CSNK1D: variants seen among roughly 807,000 people sequenced by gnomAD.
CSNK1D encodes casein kinase I isoform delta.
In CSNK1D, 16 loss-of-function variants were observed where a neutral mutation model predicts 46.6. The observed-to-expected ratio is 0.34, with a 90% confidence interval of 0.23 to 0.52. The LOEUF (loss-of-function observed/expected upper bound fraction) is 0.52, where lower values mean the gene tolerates loss of function less well. CSNK1D is among the 20% of genes least tolerant of loss of function. CSNK1D has a pLI of 0.95. For synonymous variants in CSNK1D, 276 were observed against 228.2 expected, an observed-to-expected ratio of 1.21 and a Z score of -1.89; for missense variants, 398 against 578.4, an observed-to-expected ratio of 0.69 and a Z score of 3.20.
intron 1 of CSNK1D, among the ~76,000 whole-genome samples, chr17:82,269,302 A>C (rs2147225485): frequency 6.6e-6 from 1 of 152,264 alleles, no homozygotes; most frequent in Admixed American, 6.5e-5. Flanking sequence ...GGTCAGCAGT[A>C]CCACGACTTC....
At chr17:82,264,311 A>G (rs888945235) in intron 2 of CSNK1D, among the ~76,000 whole-genome samples, 2 of 152,222 alleles carry the variant, frequency 1.3e-5, no homozygotes, top group Non-Finnish European at 2.9e-5. Context: ...CTCTGTTCCC[A>G]AAGAGGGCTC....
At position 82,244,511 on chromosome 17, in the gene CSNK1D, G is replaced by A; in HGVS notation, c.*270C>T. On this transcript the variant is annotated 3_prime_UTR_variant, in exon 9 of 9. Transcript: ENST00000314028. ...AGCTGAGGCCCTGGAAAAGGAGTCT[G>A]ATTCTCTGCAATTCTCTCTCTGCTT... The A allele has an allele frequency of 7.0e-7, 1 of 1,428,080 alleles. No individual in the cohort carries two copies. The highest frequency in any genetic ancestry group is 9.2e-7 in the Non-Finnish European group (1 of 1,089,438). 88.5% of individuals were successfully genotyped at this position (1,428,080 alleles called of 1,614,324 possible).
At chr17:82,265,916 T>C in intron 1 of CSNK1D, 120 bp from the exon 2 acceptor site, 1 of 843,776 alleles carries the variant, frequency 1.2e-6, no homozygotes, top group East Asian at 2.4e-5. Flanking sequence ...GGATGTGTTC[T>C]CCTTCCTAGC....
chr17:82,261,991 G>C (rs569720022), intron 2 of CSNK1D, among the ~76,000 whole-genome samples: 1 of 152,344 alleles, frequency 6.6e-6, no homozygotes, highest in African/African-American at 2.4e-5. Flanking sequence ...CAAGGAGGGA[G>C]TGAGCTAAGG....
At chr17:82,260,302 T>TGATG (rs2051297552) in intron 2 of CSNK1D, among the ~76,000 whole-genome samples, 1 of 118,042 alleles carries the variant, frequency 8.5e-6, no homozygotes, top group African/African-American at 3.2e-5. Flanking sequence ...TGATAGTGTA[T>TGATG]TGACTGATGG....
At chr17:82,247,948 G>A (rs895848305) in intron 8 of CSNK1D, 50 of 985,294 alleles carry the variant, frequency 5.1e-5, no homozygotes, top group East Asian at 1.1e-4. Context: ...TCCCCACTCC[G>A]GCATGTTCCT....
chr17:82,262,282 T>TG (rs1179562283), intron 2 of CSNK1D, among the ~76,000 whole-genome samples: 1 of 152,200 alleles, frequency 6.6e-6, no homozygotes, highest in African/African-American at 2.4e-5. Context: ...AGCAGTAGCC[T>TG]GGGGGGCTAG....
In CSNK1D at chr17:82,249,441, G is replaced by A. The variant is rs935905837; in HGVS notation, c.1047C>T (p.Thr349=). ...GAGGGGGGCACTCACCCGTGTGTGA[G>A]GTAGGGGTGAGGGGTGTGGGGGGAG... ...EVAPPTPLTP[T]SHTANTSPRP... is the part of the protein sequence containing the mutation. Residue 349 remains threonine, a synonymous_variant, in exon 7 of 9, where the codon ACC becomes ACT. Coordinates refer to ENST00000314028, the MANE Select transcript of CSNK1D (RefSeq NM_001893.6). The surrounding 1 kb of genome is among the most constrained non-coding windows in gnomAD (Gnocchi z 6.7). 5.9e-6 allele frequency: 9 copies of A among 1,537,572 alleles called. No individual in the cohort carries two copies. The highest frequency in any genetic ancestry group is 7.9e-6 in the Non-Finnish European group (9 of 1,146,044).
In CSNK1D at chr17:82,244,766, CA is replaced by C. The variant is rs1028554074; in HGVS notation, c.*14del. ...GCCATGCATTGTCTGCCCTTCACAG[CA>C]ATAAGGAGAGTTCTCATCGGTGCAC... On this transcript the variant is annotated 3_prime_UTR_variant, in exon 9 of 9. Transcript: ENST00000314028. The C allele has an allele frequency of 1.2e-6, 2 of 1,613,864 alleles. No homozygotes were observed. Among genetic ancestry groups the C allele is most frequent in the African/African-American group, 2.7e-5 (2 of 74,926 alleles).
In CSNK1D at chr17:82,250,757, A is replaced by C. The variant is rs2147167938; in HGVS notation, c.885+622T>G. 6.0e-6 allele frequency: 1 copy of C among 165,908 alleles called. No homozygotes were observed. Among genetic ancestry groups the C allele is most frequent in the South Asian group, 1.3e-4 (1 of 7,492 alleles). 10.3% of individuals were successfully genotyped at this position (165,908 alleles called of 1,614,324 possible). On this transcript the variant is annotated intron_variant, in intron 6 of 8. Coordinates refer to ENST00000314028, the MANE Select transcript of CSNK1D (RefSeq NM_001893.6). This position sits in a 1 kb window ranked among gnomAD's most constrained non-coding sequence, Gnocchi z 4.6. ...CAGACTGCTGCCTGGAAAAGCTCCA[A>C]ATTCTATTTAAAACTGACAACAAAA...
chr17:82,253,912 A>T (rs80280667), intron 3 of CSNK1D: 6 of 235,898 alleles, frequency 2.5e-5, no homozygotes, highest in Non-Finnish European at 4.0e-5. Context: ...CGGAGCCTCG[A>T]GAAGCCAGTG....
chr17:82,263,678 CCT>C (rs1314971842), intron 2 of CSNK1D, among the ~76,000 whole-genome samples: 3 of 152,250 alleles, frequency 2.0e-5, no homozygotes, highest in Non-Finnish European at 4.4e-5. Flanking sequence ...CTTGTGTACC[CCT>C]GGCTTGCAAG....
In CSNK1D at chr17:82,255,195, G is replaced by T. The variant is rs1473605832; in HGVS notation, c.336+234C>A. 4 of 569,172 alleles carry T rather than the reference G, an allele frequency of 7.0e-6. No homozygotes were observed. Among genetic ancestry groups the T allele is most frequent in the African/African-American group, 1.9e-5 (1 of 51,978 alleles). 35.3% of individuals were successfully genotyped at this position (569,172 alleles called of 1,614,324 possible). A position where few individuals can be genotyped will look rare whatever the true frequency, so the allele number is the denominator to read the frequency against. ...GAGAAGCCAGTGAGCTGGGCCGCCG[G>T]AGCCTCGAGAAGCCAGTGAGCTGGG... On this transcript the variant is annotated intron_variant, in intron 3 of 8. Coordinates refer to ENST00000314028, the MANE Select transcript of CSNK1D (RefSeq NM_001893.6). The surrounding 1 kb of genome is among the most constrained non-coding windows in gnomAD (Gnocchi z 5.9).
intron 2 of CSNK1D, among the ~76,000 whole-genome samples, chr17:82,263,623 A>G (rs2051395027): frequency 6.6e-6 from 1 of 152,262 alleles, no homozygotes; most frequent in South Asian, 2.1e-4. Context: ...TGGCTTCCCC[A>G]GTGACCATCC....
chr17:82,260,911 C>T (rs1382303628), intron 2 of CSNK1D: 1 of 155,194 alleles, frequency 6.4e-6, no homozygotes, highest in Admixed American at 6.5e-5. Context: ...GTCCTGCTGT[C>T]ACCCAGGCTG....
In CSNK1D at chr17:82,251,029, T is replaced by A. The variant is rs1368302768; in HGVS notation, c.885+350A>T. 1 of 360,206 alleles carries A rather than the reference T, an allele frequency of 2.8e-6. No homozygotes were observed. Among genetic ancestry groups the A allele is most frequent in the African/African-American group, 2.1e-5 (1 of 47,364 alleles). 22.3% of individuals were successfully genotyped at this position (360,206 alleles called of 1,614,324 possible). A position where few individuals can be genotyped will look rare whatever the true frequency, so the allele number is the denominator to read the frequency against. Reference sequence around the variant, plus strand: ...ACTCATCTCGTGGGCACCACGACCATGTGGCACAGCGAATGGGAATGCGCA... The same window carrying A: ...ACTCATCTCGTGGGCACCACGACCAAGTGGCACAGCGAATGGGAATGCGCA... On this transcript the variant is annotated intron_variant, in intron 6 of 8. Transcript: ENST00000314028. This position sits in a 1 kb window ranked among gnomAD's most constrained non-coding sequence, Gnocchi z 4.5.
intron 2 of CSNK1D, among the ~76,000 whole-genome samples, chr17:82,260,240 T>C (rs567955359): frequency 1.3e-5 from 2 of 151,126 alleles, no homozygotes; most frequent in East Asian, 3.9e-4. Flanking sequence ...CTGAGTGATG[T>C]GACTGATGGT....
chr17:82,239,888 G>T, downstream of CSNK1D: 1 of 780,332 alleles, frequency 1.3e-6, no homozygotes, highest in Non-Finnish European at 1.7e-6. Context: ...CAGCGCTTGG[G>T]CTTGTCCTGG....
chr17:82,252,901 G>T lies in CSNK1D; in HGVS notation c.565+115C>A, dbSNP rs1395460636. 5 of 988,712 alleles carry T rather than the reference G, an allele frequency of 5.1e-6. No homozygotes were observed. The South Asian group carries it at 6.8e-5, about 13-fold the overall frequency. The allele number at this position is 988,712 out of a possible 1,614,324, so 61.2% of individuals were successfully genotyped here. On this transcript the variant is annotated intron_variant, in intron 4 of 8. Coordinates refer to ENST00000314028, the MANE Select transcript of CSNK1D (RefSeq NM_001893.6). This position sits in a 1 kb window ranked among gnomAD's most constrained non-coding sequence, Gnocchi z 4.6. Reference sequence around the variant, plus strand: ...CACGAGCCAGCCTGTCTGCCGCAAAGGTCTGATGACACGCTTGCAGCCCCA... The same window carrying T: ...CACGAGCCAGCCTGTCTGCCGCAAATGTCTGATGACACGCTTGCAGCCCCA...
Sources: allele counts gnomAD v4.1 joint callset (sites outside exome capture counted in the v4.1 genomes callset), GRCh38; gene constraint gnomAD v4.1.1; non-coding constraint Gnocchi (gnomAD v3.1); transcripts MANE v1.5; gene names NCBI Gene and HGNC (gene_info 2026-07-23, HGNC 2026-07-21).